The following HERC1 variants were observed in gnomAD, a reference collection of about 807,000 sequenced individuals.
The protein encoded by HERC1 is probable E3 ubiquitin-protein ligase HERC1.
HERC1 carries 160 observed loss-of-function variants against 554.3 expected under a neutral mutation model. The ratio of observed to expected loss-of-function variants is 0.29; its 90% confidence interval spans 0.25 to 0.33. The LOEUF (loss-of-function observed/expected upper bound fraction) is 0.33. Ranked by LOEUF, HERC1 falls within the 10% of genes least tolerant of loss-of-function variation. HERC1 has a pLI of 1.00. For synonymous variants in HERC1, 2,175 were observed against 2,131.7 expected (o/e 1.02, Z -0.56); for missense variants, 4,919 against 5,918.5 (o/e 0.83, Z 5.54).
chr15:63,761,360 A>C (rs2075604999), intron 3 of HERC1, among the ~76,000 whole-genome samples: 1 of 152,162 alleles, frequency 6.6e-6, no homozygotes, highest in South Asian at 2.1e-4. Flanking sequence ...TAGAAGGATC[A>C]CTTGAGCTCA....
rs960486714 is a variant in HERC1, at chr15:63,632,775, C to T, written c.12730G>A (p.Val4244Ile). The T allele has an allele frequency of 6.4e-7, 1 of 1,569,838 alleles. No individual in the cohort carries two copies. The highest frequency in any genetic ancestry group is 8.7e-7 in the Non-Finnish European group (1 of 1,155,726). The change falls in exon 68 of 78, where the codon GTT (valine) becomes ATT (isoleucine). Residue 4244 changes from valine (V) to isoleucine (I), a missense_variant. Coordinates refer to ENST00000443617, the MANE Select transcript of HERC1 (RefSeq NM_003922.4). Reference protein sequence around the residue: ...DVLCGIGIKKVACGTQFSVAL... With the variant: ...DVLCGIGIKKIACGTQFSVAL... ...ACAGAAAACTGAGTTCCACAAGCAACCTTTTTTATTCCAATTCCACAAAGG... is the reference window on the plus strand; with the variant it reads ...ACAGAAAACTGAGTTCCACAAGCAATCTTTTTTATTCCAATTCCACAAAGG...
At chr15:63,638,585 C>T in intron 62 of HERC1, 49 bp from the exon 63 acceptor site, 1 of 1,612,846 alleles carries the variant, frequency 6.2e-7, no homozygotes, top group Non-Finnish European at 8.5e-7. Context: ...TTCACTCAAA[C>T]AGCCATGTAC....
At chr15:63,646,568 G>A (rs1043973748) in intron 55 of HERC1, among the ~76,000 whole-genome samples, 5 of 151,520 alleles carry the variant, frequency 3.3e-5, no homozygotes, top group East Asian at 1.9e-4. Flanking sequence ...TTGGGAGGCC[G>A]AGGTGGGCGG....
At chr15:63,616,409 C>A in intron 75 of HERC1, 21 bp downstream of exon 75, 2 of 1,606,704 alleles carry the variant, frequency 1.2e-6, no homozygotes, top group Non-Finnish European at 1.7e-6. Flanking sequence ...CCAGTAGAAA[C>A]ATAGACTGGC....
intron 25 of HERC1, among the ~76,000 whole-genome samples, chr15:63,704,229 C>G (rs902647505): frequency 6.6e-6 from 1 of 152,184 alleles, no homozygotes; most frequent in Non-Finnish European, 1.5e-5. Context: ...AAAATATAAT[C>G]TCCTAAATGT....
intron 6 of HERC1, among the ~76,000 whole-genome samples, 176 bp from the exon 7 acceptor site, chr15:63,754,824 C>T (rs2075367096): frequency 6.6e-6 from 1 of 152,114 alleles, no homozygotes; most frequent in South Asian, 2.1e-4. Context: ...CAAGGTGCTC[C>T]TAAACTGGGT....
chr15:63,638,582 A>G, intron 62 of HERC1, 46 bp from the exon 63 acceptor site: 1 of 1,613,346 alleles, frequency 6.2e-7, no homozygotes, highest in Non-Finnish European at 8.5e-7. Flanking sequence ...CCATTCACTC[A>G]AACAGCCATG....
At position 63,758,165 on chromosome 15, in the gene HERC1, G is replaced by C. The variant is rs575134814; in HGVS notation, c.1221+10C>G. 30 of 1,577,098 alleles carry C rather than the reference G, an allele frequency of 1.9e-5. No individual in the cohort carries two copies. In the African/African-American group the frequency reaches 3.2e-4, roughly 17 times the overall value. ...TATCTACCAGTTTGTAAGCTATTTA[G>C]AAAACTTACGGTCTGTGCATCAGAG... On this transcript the variant is annotated intron_variant, in intron 4 of 77. Coordinates refer to ENST00000443617, the MANE Select transcript of HERC1 (RefSeq NM_003922.4). This position sits in a 1 kb window ranked among gnomAD's most constrained non-coding sequence, Gnocchi z 4.0.
rs1409667220 is a variant in HERC1, at chr15:63,718,563, T to C, written c.3978+11A>G. 3 of 1,543,376 alleles carry C rather than the reference T, an allele frequency of 1.9e-6. No individual in the cohort carries two copies. The highest frequency in any genetic ancestry group is 2.6e-6 in the Non-Finnish European group (3 of 1,139,344). ...AGAAAAACATAGAAATTAATTGATT[T>C]CAAACTTTACCCATCTGTCCCGTGA... On this transcript the variant is annotated intron_variant, in intron 21 of 77. Transcript: ENST00000443617. The surrounding 1 kb of genome is among the most constrained non-coding windows in gnomAD (Gnocchi z 4.2).
chr15:63,647,042 G>C (rs1727374219), intron 55 of HERC1, among the ~76,000 whole-genome samples: 1 of 151,946 alleles, frequency 6.6e-6, no homozygotes, highest in Non-Finnish European at 1.5e-5. Context: ...ATCACTTGAG[G>C]TCAGGAGTTC....
At chr15:63,688,643 TATAA>T (rs2071922783) in intron 33 of HERC1, among the ~76,000 whole-genome samples, 1 of 152,014 alleles carries the variant, frequency 6.6e-6, no homozygotes, top group Non-Finnish European at 1.5e-5. Context: ...AAGAAGAACC[TATAA>T]AGGAGAATGA....
At chr15:63,643,376 A>G (rs1017644596) in intron 58 of HERC1, 28 bp downstream of exon 58, 5 of 1,586,362 alleles carry the variant, frequency 3.2e-6, no homozygotes, top group Non-Finnish European at 4.3e-6. Flanking sequence ...AATATTCCTT[A>G]ACATAAAAAT....
chr15:63,608,766 TG>T lies in HERC1; in HGVS notation c.*314del, dbSNP rs1040651232. On this transcript the variant is annotated 3_prime_UTR_variant, in exon 78 of 78. Transcript: ENST00000443617. ...AATGTACAATTTCATGTTCACTGGG[TG>T]GATTTACAAAAATGTACCATTCCCA... 4.5e-6 allele frequency: 1 copy of T among 221,166 alleles called. No homozygotes were observed. The highest frequency in any genetic ancestry group is 2.3e-5 in the African/African-American group (1 of 43,720). 13.7% of individuals were successfully genotyped at this position (221,166 alleles called of 1,614,324 possible).
Position 63,654,302 on chromosome 15 carries a change from G to A in HERC1, c.10107C>T (p.Ala3369=), listed in dbSNP as rs1412049205. The A allele has an allele frequency of 6.2e-7, 1 of 1,613,586 alleles. No homozygotes were observed. Among genetic ancestry groups the A allele is most frequent in the South Asian group, 1.1e-5 (1 of 91,064 alleles). The part of the protein sequence containing the change: ...EKKGPLELAN[A]LAACCLSSRL... ...TGGAGGAGAGGCAGCAGGCTGCCAG[G>A]GCATTAGCCAACTCCAGAGGGCCTA... The change falls in exon 51 of 78, where the codon GCC becomes GCT. Residue 3369 remains alanine, a synonymous_variant. Coordinates refer to ENST00000443617, the MANE Select transcript of HERC1 (RefSeq NM_003922.4).
chr15:63,728,899 T>C (rs1273037540), intron 16 of HERC1, among the ~76,000 whole-genome samples: 10 of 137,106 alleles, frequency 7.3e-5, no homozygotes. Flanking sequence ...AGTGAAAAAA[T>C]GGTAAATGCT....
At chr15:63,690,520 A>C (rs766673104) in intron 32 of HERC1, 21 bp downstream of exon 32, 4 of 1,500,330 alleles carry the variant, frequency 2.7e-6, no homozygotes, top group Admixed American at 1.8e-5. Context: ...AACATCTTCT[A>C]ATAATTTTAA....
chr15:63,744,162 GTGTCTCTCTCTC>G (rs1448130002), intron 12 of HERC1, among the ~76,000 whole-genome samples: 10 of 35,760 alleles, frequency 2.8e-4, no homozygotes, highest in Middle Eastern at 0.016. Flanking sequence ...GTGTGTGTGT[GTGTCTCTCTCTC>G]TCTCTCTCTC....
At chr15:63,639,292 T>C (rs1416855623) in intron 61 of HERC1, among the ~76,000 whole-genome samples, 1 of 152,256 alleles carries the variant, frequency 6.6e-6, no homozygotes, top group Non-Finnish European at 1.5e-5. Flanking sequence ...TTATATCTTC[T>C]ATGTTTACAT....
In HERC1 at chr15:63,749,946, C is replaced by A. The variant is rs541704971; in HGVS notation, c.1903-155G>T. Among the ~76,000 whole-genome samples the A allele has an allele frequency of 6.6e-6, 1 of 152,198 alleles. No individual in the cohort carries two copies. Among genetic ancestry groups the A allele is most frequent in the Admixed American group, 6.5e-5 (1 of 15,286 alleles). The stretch of plus-strand genomic sequence containing the variant: ...TTGATCATTTTAAAGATTGTTACAG[C>A]GATTTATCATGCTGCCTTTAGGCAT... On this transcript the variant is annotated intron_variant, in intron 8 of 77. Transcript: ENST00000443617. This position sits in a 1 kb window ranked among gnomAD's most constrained non-coding sequence, Gnocchi z 4.1.
Sources: allele counts gnomAD v4.1 joint callset (sites outside exome capture counted in the v4.1 genomes callset), GRCh38; gene constraint gnomAD v4.1.1; non-coding constraint Gnocchi (gnomAD v3.1); transcripts MANE v1.5; gene names NCBI Gene and HGNC (gene_info 2026-07-23, HGNC 2026-07-21).